The following PLCH1 variants were observed in gnomAD, a reference collection of about 807,000 sequenced individuals.
PLCH1 encodes 1-phosphatidylinositol 4,5-bisphosphate phosphodiesterase eta-1.
Under a neutral mutation model 126.7 loss-of-function variants are expected in PLCH1, and 60 were observed. The observed-to-expected ratio is 0.47, with a 90% confidence interval of 0.38 to 0.59. PLCH1 has a LOEUF of 0.59. Among genes scored for constraint, PLCH1 ranks in the 20% least tolerant of loss-of-function variants. PLCH1 has a pLI of 0.00. For missense variants in PLCH1, 1,723 were observed against 2,040.0 expected (o/e 0.84, Z 2.99); for synonymous variants, 719 against 734.9 (o/e 0.98, Z 0.35).
At chr3:155,465,438 GC>G (rs915437579) in intron 21 of PLCH1, among the ~76,000 whole-genome samples, 2 of 151,960 alleles carry the variant, frequency 1.3e-5, no homozygotes, top group Non-Finnish European at 2.9e-5. Flanking sequence ...TTCATCGCCT[GC>G]TAACTGAAGA....
intron 21 of PLCH1, among the ~76,000 whole-genome samples, chr3:155,455,931 A>T (rs553096892): frequency 6.6e-6 from 1 of 152,340 alleles, no homozygotes; most frequent in African/African-American, 2.4e-5. Flanking sequence ...GGTGACAAGG[A>T]CTACTAGGTG....
chr3:155,705,333 C>A (rs1013764642), intron 1 of PLCH1, among the ~76,000 whole-genome samples: 1 of 152,114 alleles, frequency 6.6e-6, no homozygotes, highest in Admixed American at 6.5e-5. Flanking sequence ...CCCACAACAC[C>A]AGGGATTTTA....
At chr3:155,604,326 T>TC (rs1192663324) in intron 2 of PLCH1, among the ~76,000 whole-genome samples, 1 of 152,206 alleles carries the variant, frequency 6.6e-6, no homozygotes, top group Non-Finnish European at 1.5e-5. Context: ...AGTGATTCAC[T>TC]CTTACTAAGT....
intron 7 of PLCH1, among the ~76,000 whole-genome samples, chr3:155,566,165 A>ATATATATATG (rs1728388547): frequency 3.7e-5 from 3 of 81,152 alleles, no homozygotes; most frequent in Non-Finnish European, 9.6e-5. Flanking sequence ...ATACACATAC[A>ATATATATATG]TATATACACA....
chr3:155,563,741 G>A (rs190647376), intron 8 of PLCH1, among the ~76,000 whole-genome samples: 55 of 151,844 alleles, frequency 3.6e-4, no homozygotes, highest in Non-Finnish European at 1.6e-4. Flanking sequence ...CCTTTCACTG[G>A]CCCCTCATTA....
intron 2 of PLCH1, among the ~76,000 whole-genome samples, chr3:155,638,420 T>C (rs1351953786): frequency 6.6e-6 from 1 of 152,254 alleles, no homozygotes; most frequent in Non-Finnish European, 1.5e-5. Context: ...TTAAGCCTGC[T>C]ATAAGAGAGA....
chr3:155,707,849 T>C (rs1746796777), intron 1 of PLCH1, among the ~76,000 whole-genome samples: 1 of 152,124 alleles, frequency 6.6e-6, no homozygotes, highest in African/African-American at 2.4e-5. Flanking sequence ...TACAGACATA[T>C]ATGTAATATT....
At chr3:155,672,714 C>T (rs1743649766) in intron 2 of PLCH1, among the ~76,000 whole-genome samples, 1 of 152,184 alleles carries the variant, frequency 6.6e-6, no homozygotes, top group Non-Finnish European at 1.5e-5. Flanking sequence ...CAGGCAATGA[C>T]TTTCTTGTAA....
At chr3:155,468,552 A>G (rs751400865) in intron 21 of PLCH1, among the ~76,000 whole-genome samples, 4 of 152,232 alleles carry the variant, frequency 2.6e-5, no homozygotes, top group Non-Finnish European at 5.9e-5. Flanking sequence ...GGAAAAAGGC[A>G]TTCCATGCTA....
intron 2 of PLCH1, among the ~76,000 whole-genome samples, chr3:155,626,211 C>CAAA (rs1040946294): frequency 2.6e-5 from 1 of 38,116 alleles, no homozygotes; most frequent in Non-Finnish European, 3.9e-5. Flanking sequence ...GGGGGCATCA[C>CAAA]AAAAAAAAAA....
At chr3:155,518,150 CA>C (rs1269629100) in intron 11 of PLCH1, among the ~76,000 whole-genome samples, 1 of 152,150 alleles carries the variant, frequency 6.6e-6, no homozygotes, top group African/African-American at 2.4e-5. Context: ...GAATGGTGCA[CA>C]ATTCACAACT....
At chr3:155,469,616 G>C (rs1367267660) in intron 21 of PLCH1, among the ~76,000 whole-genome samples, 2 of 152,128 alleles carry the variant, frequency 1.3e-5, no homozygotes, top group East Asian at 1.9e-4. Context: ...CTCCACCTCT[G>C]GGGGCAGGGC....
intron 6 of PLCH1, among the ~76,000 whole-genome samples, chr3:155,571,615 T>C (rs1256357150): frequency 1.3e-5 from 2 of 152,210 alleles, no homozygotes; most frequent in East Asian, 1.9e-4. Flanking sequence ...GCCAGGTTGG[T>C]CTCGAACTCC....
intron 2 of PLCH1, among the ~76,000 whole-genome samples, chr3:155,701,168 G>C (rs756402084): frequency 6.6e-6 from 1 of 152,192 alleles, no homozygotes; most frequent in African/African-American, 2.4e-5. Context: ...AGATGAAATA[G>C]TAGGTAGATA....
At chr3:155,492,929 G>A in intron 17 of PLCH1, 76 bp from the exon 18 acceptor site, 1 of 1,241,424 alleles carries the variant, frequency 8.1e-7, no homozygotes. Context: ...TGTAAACAAA[G>A]AAACAAACAA....
chr3:155,675,955 G>A, intron 2 of PLCH1: 2 of 990,132 alleles, frequency 2.0e-6, no homozygotes, highest in Non-Finnish European at 1.5e-6. Flanking sequence ...TCTTTTACTA[G>A]GACTATTACA....
intron 10 of PLCH1, among the ~76,000 whole-genome samples, chr3:155,534,216 C>T (rs1560124171): frequency 1.3e-5 from 2 of 152,160 alleles, no homozygotes; most frequent in Non-Finnish European, 2.9e-5. Flanking sequence ...GGTGTTGTAC[C>T]CTGCAAAGCC....
intron 6 of PLCH1, among the ~76,000 whole-genome samples, chr3:155,581,691 G>A (rs1332747878): frequency 6.6e-6 from 1 of 151,934 alleles, no homozygotes; most frequent in Non-Finnish European, 1.5e-5. Flanking sequence ...GTTTCTTCTT[G>A]GGGTGCCGAA....
chr3:155,739,292 T>A (rs1278004583), intron 1 of PLCH1, among the ~76,000 whole-genome samples: 2 of 152,202 alleles, frequency 1.3e-5, no homozygotes, highest in African/African-American at 4.8e-5. Context: ...TCGGGCAACA[T>A]TTAGATAAAA....
Sources: gnomAD v4.1 joint callset for allele counts (sites outside exome capture counted in the v4.1 genomes callset) on GRCh38, gnomAD v4.1.1 for gene constraint, MANE v1.5 for transcripts, NCBI Gene and HGNC (gene_info 2026-07-23, HGNC 2026-07-21) for gene names.